PALM2AKAP2: variants seen among roughly 807,000 people sequenced by gnomAD.
The protein encoded by PALM2AKAP2 is PALM2-AKAP2 fusion protein.
PALM2AKAP2 carries 37 observed loss-of-function variants against 71.5 expected under a neutral mutation model. That is an observed-to-expected ratio of 0.52 (90% CI 0.40 to 0.68). The LOEUF (loss-of-function observed/expected upper bound fraction) is 0.68. Ranked by LOEUF, PALM2AKAP2 falls within the 30% of genes least tolerant of loss-of-function variation. The pLI, the probability that PALM2AKAP2 is intolerant of heterozygous loss-of-function variation, is 0.00. For missense variants in PALM2AKAP2, 1,224 were observed against 1,191.8 expected, an observed-to-expected ratio of 1.03 and a Z score of -0.40; for synonymous variants, 468 against 478.8, an observed-to-expected ratio of 0.98 and a Z score of 0.29.
chr9:110,033,777 T>C (rs1160165491), intron 7 of PALM2AKAP2, among the ~76,000 whole-genome samples: 1 of 152,214 alleles, frequency 6.6e-6, no homozygotes, highest in Admixed American at 6.5e-5. Context: ...ATGGACCTGA[T>C]CTAAGACCAC....
At chr9:109,812,657 A>C (rs1415601873) in intron 1 of PALM2AKAP2, among the ~76,000 whole-genome samples, 1 of 152,226 alleles carries the variant, frequency 6.6e-6, no homozygotes, top group East Asian at 1.9e-4. Context: ...GTCTAGACTT[A>C]ACATAAATCA....
intron 1 of PALM2AKAP2, among the ~76,000 whole-genome samples, chr9:109,832,820 C>T (rs1300946420): frequency 9.9e-5 from 15 of 152,134 alleles, no homozygotes. Context: ...GTTTAAAATG[C>T]AAATCTCTGA....
At chr9:109,968,921 C>T (rs1832007998) in intron 6 of PALM2AKAP2, among the ~76,000 whole-genome samples, 1 of 152,182 alleles carries the variant, frequency 6.6e-6, no homozygotes, top group South Asian at 2.1e-4. Flanking sequence ...CCCAGTTCCT[C>T]TCCGGGCTAT....
chr9:109,744,558 T>C (rs144117460), intron 1 of PALM2AKAP2, among the ~76,000 whole-genome samples: 9 of 152,338 alleles, frequency 5.9e-5, no homozygotes, highest in African/African-American at 2.2e-4. Context: ...ATTTCATAAA[T>C]GTTTGGAGGA....
At chr9:110,120,013 T>G (rs1158676515) in intron 1 of PALM2AKAP2, among the ~76,000 whole-genome samples, 1 of 152,226 alleles carries the variant, frequency 6.6e-6, no homozygotes, top group East Asian at 1.9e-4. Context: ...GATTCTTAAC[T>G]TGAACTCTAC....
intron 2 of PALM2AKAP2, among the ~76,000 whole-genome samples, chr9:109,872,043 C>T (rs1175237274): frequency 6.6e-6 from 1 of 152,100 alleles, no homozygotes; most frequent in Non-Finnish European, 1.5e-5. Context: ...TCTTTATCAC[C>T]TACATATTTC....
At chr9:109,862,900 T>C (rs761593169) in intron 1 of PALM2AKAP2, 12 of 514,722 alleles carry the variant, frequency 2.3e-5, no homozygotes, top group Non-Finnish European at 4.6e-5. Context: ...GCCGGGAAGA[T>C]CAGGAGACTG....
At chr9:109,995,806 A>C (rs1468665566) in intron 6 of PALM2AKAP2, among the ~76,000 whole-genome samples, 1 of 152,202 alleles carries the variant, frequency 6.6e-6, no homozygotes, top group African/African-American at 2.4e-5. Context: ...ATGTGAGCAC[A>C]GCTACATTTC....
rs749544469 is a variant in PALM2AKAP2 at position 109,925,011 on chromosome 9, T to G, written c.373-50T>G. On this transcript the variant is annotated intron_variant, in intron 4 of 9. Coordinates refer to the PALM2AKAP2 transcript ENST00000302798. Reference sequence around the variant, plus strand: ...TCTTTAAAGATGGGAAAAGATGGGATTGTACCCCCACATGTAGAGTAACGC... The same window carrying G: ...TCTTTAAAGATGGGAAAAGATGGGAGTGTACCCCCACATGTAGAGTAACGC... 2.5e-6 allele frequency: 4 copies of G among 1,613,188 alleles called. No individual in the cohort carries two copies. In the African/African-American group the frequency reaches 5.4e-5, roughly 22 times the overall value.
At chr9:110,162,834 C>G (rs1168692279) in intron 3 of PALM2AKAP2, among the ~76,000 whole-genome samples, 1 of 152,068 alleles carries the variant, frequency 6.6e-6, no homozygotes, top group Non-Finnish European at 1.5e-5. Flanking sequence ...TCCCAAAGAG[C>G]TGGAACTACT....
At chr9:109,690,203 C>T (rs1375096813) in intron 1 of PALM2AKAP2, among the ~76,000 whole-genome samples, 1 of 152,156 alleles carries the variant, frequency 6.6e-6, no homozygotes, top group Non-Finnish European at 1.5e-5. Flanking sequence ...CAAGATAATG[C>T]TTGTAGTTTA....
At chr9:109,690,982 G>A (rs1827874704) in intron 1 of PALM2AKAP2, among the ~76,000 whole-genome samples, 1 of 152,112 alleles carries the variant, frequency 6.6e-6, no homozygotes, top group Admixed American at 6.6e-5. Flanking sequence ...TGGATTTTTA[G>A]TGCCCTGTAA....
chr9:110,053,527 C>CAAAAAAAAAAAAAAAAAA (rs56132919), intron 1 of PALM2AKAP2, among the ~76,000 whole-genome samples: 9 of 82,848 alleles, frequency 1.1e-4, no homozygotes, highest in Non-Finnish European at 1.8e-4. Flanking sequence ...AACTCTGTCT[C>CAAAAAAAAAAAAAAAAAA]AAAAAAAAAA....
At chr9:109,713,686 A>G (rs1412610911) in intron 1 of PALM2AKAP2, among the ~76,000 whole-genome samples, 5 of 152,194 alleles carry the variant, frequency 3.3e-5, no homozygotes, top group Admixed American at 3.3e-4. Flanking sequence ...GACTCCAACT[A>G]TGTGATATTC....
chr9:109,700,382 T>C lies in PALM2AKAP2; in HGVS notation c.5+59516T>C, dbSNP rs1042292222. Among the ~76,000 whole-genome samples the C allele has an allele frequency of 2.6e-5, 4 of 152,192 alleles. No homozygotes were observed. In the East Asian group the frequency reaches 5.8e-4, roughly 22 times the overall value. On this transcript the variant is annotated intron_variant, in intron 1 of 6. Transcript: ENST00000374531. ...ATCATGTAAGACGTGACTTTGCTCC[T>C]CCTTCGCCTTCCGCCATGATTTTGA... is the stretch of plus-strand genomic sequence containing the variant.
At chr9:110,171,552 T>C (rs1212811927) in exon 4 of PALM2AKAP2, 1 of 152,230 alleles carries the variant, frequency 6.6e-6, no homozygotes, top group African/African-American at 2.4e-5. Context: ...TTTTTATTCA[T>C]TCAAGAAACC....
At chr9:109,841,274 C>A (rs2131584054) in intron 1 of PALM2AKAP2, among the ~76,000 whole-genome samples, 1 of 150,518 alleles carries the variant, frequency 6.6e-6, no homozygotes, top group South Asian at 2.1e-4. Flanking sequence ...GGACAAAAAA[C>A]CAAACACCGC....
At position 110,150,234 on chromosome 9, in the gene PALM2AKAP2, C is replaced by T. The variant is rs1836276689; in HGVS notation, c.2570-6085C>T. Among the ~76,000 whole-genome samples, 4 of 152,376 alleles carry T rather than the reference C, an allele frequency of 2.6e-5. No individual in the cohort carries two copies. The South Asian group carries it at 8.3e-4, about 32-fold the overall frequency. On this transcript the variant is annotated intron_variant, in intron 2 of 3. Coordinates refer to ENST00000374525, the Ensembl canonical transcript of PALM2AKAP2. ...ACCATTCTGGCACCTCGATCTTGGACTTCCAGACTCTAAAGTTGTGAGAAA... is the reference window on the plus strand; with the variant it reads ...ACCATTCTGGCACCTCGATCTTGGATTTCCAGACTCTAAAGTTGTGAGAAA...
chr9:109,764,553 C>T (rs528134960), intron 1 of PALM2AKAP2, among the ~76,000 whole-genome samples: 96 of 152,310 alleles, frequency 6.3e-4, no homozygotes, highest in African/African-American at 2.2e-3. Flanking sequence ...CCTCCTTATC[C>T]TTACTGATTC....
Sources: gnomAD v4.1 joint callset for allele counts (sites outside exome capture counted in the v4.1 genomes callset) on GRCh38, gnomAD v4.1.1 for gene constraint, MANE v1.5 for transcripts, NCBI Gene and HGNC (gene_info 2026-07-23, HGNC 2026-07-21) for gene names.